The following SUMF1 variants were observed in gnomAD, a reference collection of about 807,000 sequenced individuals.
SUMF1 encodes sulfatase modifying factor 1, also known as formylglycine-generating enzyme.
A neutral mutation model predicts 47.6 loss-of-function variants in SUMF1; 48 were observed. That is an observed-to-expected ratio of 1.01 (90% CI 0.80 to 1.28). SUMF1 has a LOEUF of 1.28. SUMF1 is among the 50% of genes most tolerant of loss of function. The pLI, the probability that SUMF1 is intolerant of heterozygous loss-of-function variation, is 0.00. For synonymous variants in SUMF1, 230 were observed against 192.1 expected (o/e 1.20, Z -1.63); for missense variants, 571 against 485.4 (o/e 1.18, Z -1.66).
At chr3:4,152,161 G>A (rs1434792290) in intron 8 of SUMF1, among the ~76,000 whole-genome samples, 2 of 151,558 alleles carry the variant, frequency 1.3e-5, no homozygotes, top group African/African-American at 4.9e-5. Context: ...AAAGAACACA[G>A]AACTGGAAAA....
chr3:4,181,934 C>G (rs1375961023), intron 8 of SUMF1, among the ~76,000 whole-genome samples: 1 of 152,238 alleles, frequency 6.6e-6, no homozygotes, highest in East Asian at 1.9e-4. Context: ...TCTGAAGACT[C>G]CAGAACCTGG....
intron 8 of SUMF1, among the ~76,000 whole-genome samples, chr3:4,077,195 T>C (rs1046572293): frequency 3.3e-5 from 5 of 152,110 alleles, no homozygotes; most frequent in African/African-American, 7.2e-5. Flanking sequence ...GGAATGCTTT[T>C]ACACTGTTGG....
intron 8 of SUMF1, chr3:4,312,956 T>G: frequency 2.5e-6 from 4 of 1,613,956 alleles, no homozygotes; most frequent in Non-Finnish European, 3.4e-6. Context: ...CAAATAACCT[T>G]TCCCGGATGC....
intron 8 of SUMF1, among the ~76,000 whole-genome samples, chr3:4,209,420 C>T (rs1419967602): frequency 6.6e-6 from 1 of 152,160 alleles, no homozygotes; most frequent in Non-Finnish European, 1.5e-5. Context: ...TCCTAAGTTG[C>T]AGTCTCCTCA....
intron 9 of SUMF1, among the ~76,000 whole-genome samples, chr3:4,052,769 A>G (rs116396184): frequency 2.5e-3 from 380 of 152,294 alleles, no homozygotes; most frequent in African/African-American, 8.8e-3. Flanking sequence ...CTAGACCACA[A>G]TAAAGTGAGT....
chr3:4,181,836 A>C (rs1695101629), intron 8 of SUMF1, among the ~76,000 whole-genome samples: 1 of 152,072 alleles, frequency 6.6e-6, no homozygotes, highest in Non-Finnish European at 1.5e-5. Flanking sequence ...TGTGTGTGTG[A>C]GGGCCTCATA....
chr3:4,302,970 G>A (rs1427879444), intron 8 of SUMF1, among the ~76,000 whole-genome samples: 1 of 152,120 alleles, frequency 6.6e-6, no homozygotes, highest in African/African-American at 2.4e-5. Flanking sequence ...TCAACTTCCC[G>A]GCAAGCCGCA....
chr3:4,367,950 C>A (rs535064367), intron 8 of SUMF1, among the ~76,000 whole-genome samples: 8 of 151,980 alleles, frequency 5.3e-5, no homozygotes, highest in African/African-American at 1.9e-4. Context: ...TCTAAAACAC[C>A]AAAAGTAATG....
At chr3:4,373,043 A>G (rs1194767930) in intron 8 of SUMF1, among the ~76,000 whole-genome samples, 1 of 152,236 alleles carries the variant, frequency 6.6e-6, no homozygotes, top group Non-Finnish European at 1.5e-5. Context: ...ATCACATGGA[A>G]CCTGACTAAA....
chr3:4,303,735 T>G (rs937976064), intron 8 of SUMF1: 27 of 1,493,900 alleles, frequency 1.8e-5, no homozygotes, highest in Non-Finnish European at 2.4e-5. Context: ...TGTTGTCCTT[T>G]TCAGTCCATT....
intron 8 of SUMF1, among the ~76,000 whole-genome samples, chr3:4,287,037 T>G (rs1177849053): frequency 1.3e-5 from 2 of 152,188 alleles, no homozygotes; most frequent in Non-Finnish European, 2.9e-5. Flanking sequence ...TCATTTGCCT[T>G]GTAACTGTCA....
rs140865719 is a variant in SUMF1 at position 4,064,185 on chromosome 3, G to A, written c.1191+4384C>T. Among the ~76,000 whole-genome samples the A allele has an allele frequency of 2.0e-5, 3 of 147,124 alleles. No homozygotes were observed. In the Admixed American group the frequency reaches 2.1e-4, roughly 10 times the overall value. On this transcript the variant is annotated intron_variant and NMD_transcript_variant, in intron 9 of 12. Transcript: ENST00000448413. Reference sequence around the variant, plus strand: ...GATAGGAGACCGGCACAAGATATAGGTCACAAAGACCTTGCTGATAAAAGA... The same window carrying A: ...GATAGGAGACCGGCACAAGATATAGATCACAAAGACCTTGCTGATAAAAGA...
At position 4,218,939 on chromosome 3, in the gene SUMF1, A is replaced by G. The variant is rs545062873; in HGVS notation, c.1015-150194T>C. The stretch of plus-strand genomic sequence containing the variant: ...TAAACGCAGCCAAATTCGTGCTCAC[A>G]GAGGAAGTCAGATTCTAGTAGGCAG... On this transcript the variant is annotated intron_variant and NMD_transcript_variant, in intron 8 of 12. Coordinates refer to the SUMF1 transcript ENST00000448413. Among the ~76,000 whole-genome samples the G allele has an allele frequency of 2.6e-5, 4 of 152,268 alleles. 1 individual carries two copies. In the East Asian group the frequency reaches 7.7e-4, roughly 29 times the overall value.
At chr3:4,123,118 T>G (rs376418112) in intron 8 of SUMF1, among the ~76,000 whole-genome samples, 1 of 152,102 alleles carries the variant, frequency 6.6e-6, no homozygotes, top group Non-Finnish European at 1.5e-5. Flanking sequence ...ATTCAGATAA[T>G]TGATCACAGC....
At chr3:4,201,333 C>T (rs1695536142) in intron 8 of SUMF1, among the ~76,000 whole-genome samples, 3 of 152,054 alleles carry the variant, frequency 2.0e-5, no homozygotes, top group African/African-American at 7.2e-5. Context: ...CTACTACTCT[C>T]TATCTCCATG....
At chr3:4,144,368 C>T (rs934079619) in intron 8 of SUMF1, among the ~76,000 whole-genome samples, 1 of 152,046 alleles carries the variant, frequency 6.6e-6, no homozygotes, top group Admixed American at 6.6e-5. Context: ...ATTTGGCAAG[C>T]TTGAGATACT....
At chr3:4,132,205 T>C (rs770006808) in intron 8 of SUMF1, among the ~76,000 whole-genome samples, 4 of 152,176 alleles carry the variant, frequency 2.6e-5, no homozygotes, top group Non-Finnish European at 4.4e-5. Flanking sequence ...ATCCATGGAC[T>C]CACAGAACGC....
chr3:4,303,242 T>A (rs1358210350), intron 8 of SUMF1: 2 of 1,058,454 alleles, frequency 1.9e-6, no homozygotes, highest in Non-Finnish European at 2.6e-6. Context: ...GGAAGCGCCT[T>A]CCAGGCCACT....
intron 8 of SUMF1, among the ~76,000 whole-genome samples, chr3:4,223,547 G>A (rs1045766116): frequency 3.3e-5 from 5 of 152,056 alleles, no homozygotes; most frequent in Admixed American, 6.6e-5. Flanking sequence ...CACTGGTTTC[G>A]TGACATGAGA....
Sources: gnomAD v4.1 joint callset for allele counts (sites outside exome capture counted in the v4.1 genomes callset) on GRCh38, gnomAD v4.1.1 for gene constraint, MANE v1.5 for transcripts, NCBI Gene and HGNC (gene_info 2026-07-23, HGNC 2026-07-21) for gene names.